DDB1: variants seen among roughly 807,000 people sequenced by gnomAD.
DDB1 encodes damage specific DNA binding protein 1.
A neutral mutation model predicts 133.1 loss-of-function variants in DDB1; 18 were observed. That is an observed-to-expected ratio of 0.14 (90% CI 0.09 to 0.20). The LOEUF (loss-of-function observed/expected upper bound fraction) is 0.20, where lower values mean the gene tolerates loss of function less well. Among genes scored for constraint, DDB1 ranks in the 10% least tolerant of loss-of-function variants. The probability of loss-of-function intolerance (pLI) is 1.00; values close to 1 mark genes in which losing one functional copy is unlikely to be tolerated. For missense variants in DDB1, 828 were observed against 1,459.2 expected (o/e 0.57, Z 7.05); for synonymous variants, 580 against 550.5 (o/e 1.05, Z -0.75).
intron 9 of DDB1, chr11:61,322,037 A>T (rs1035736707): frequency 5.5e-6 from 3 of 543,626 alleles, no homozygotes; most frequent in Non-Finnish European, 6.5e-6. Flanking sequence ...AATCTTTCTC[A>T]GCCCTAATTT....
chr11:61,308,410 C>T (rs1165951868), intron 21 of DDB1, among the ~76,000 whole-genome samples: 4 of 152,204 alleles, frequency 2.6e-5, no homozygotes, highest in African/African-American at 9.7e-5. Flanking sequence ...TGGCATTCCT[C>T]CAGTCCTGCA....
intron 10 of DDB1, among the ~76,000 whole-genome samples, chr11:61,319,277 T>A (rs1217840814): frequency 1.3e-5 from 2 of 152,174 alleles, no homozygotes; most frequent in African/African-American, 2.4e-5. Flanking sequence ...ACCACTATCA[T>A]ACACTGAATT....
chr11:61,310,478 A>G, intron 18 of DDB1, 60 bp from the exon 19 acceptor site: 2 of 1,523,010 alleles, frequency 1.3e-6, no homozygotes, highest in Non-Finnish European at 1.8e-6. Context: ...CTGAGACATC[A>G]TTGTGAAGGG....
At chr11:61,305,594 C>T (rs1855870879) in intron 21 of DDB1, among the ~76,000 whole-genome samples, 1 of 152,186 alleles carries the variant, frequency 6.6e-6, no homozygotes, top group South Asian at 2.1e-4. Flanking sequence ...TTCAGGTAAG[C>T]CCACCTTGCT....
intron 20 of DDB1, 130 bp from the exon 21 acceptor site, chr11:61,309,207 C>A: frequency 1.3e-6 from 1 of 779,298 alleles, no homozygotes; most frequent in Non-Finnish European, 2.2e-6. Context: ...ACAACACAGA[C>A]TCAGTATCTA....
At chr11:61,305,683 CT>C (rs1195208407) in intron 21 of DDB1, among the ~76,000 whole-genome samples, 1 of 151,896 alleles carries the variant, frequency 6.6e-6, no homozygotes, top group African/African-American at 2.4e-5. Context: ...CCTGCCACCA[CT>C]CTCTCTCCAC....
rs1233249834 is a variant in DDB1, at chr11:61,300,229, G to C, written c.3340-10C>G. 1 of 1,613,814 alleles carries C rather than the reference G, an allele frequency of 6.2e-7. No individual in the cohort carries two copies. The highest frequency in any genetic ancestry group is 1.7e-5 in the Admixed American group (1 of 59,998). On this transcript the variant is annotated splice_polypyrimidine_tract_variant and intron_variant, in intron 26 of 26. Transcript: ENST00000301764. ...CGCTGCCATCGTCATACTGCAATGA[G>C]AAGATGGGCGGGGCTGTGAGGACCA... is the stretch of plus-strand genomic sequence containing the variant.
intron 5 of DDB1, 67 bp from the exon 6 acceptor site, chr11:61,325,775 G>A (rs746330330): frequency 1.5e-6 from 2 of 1,314,984 alleles, no homozygotes; most frequent in Non-Finnish European, 2.2e-6. Flanking sequence ...ACTGGCAAAA[G>A]TACAGGTCTA....
rs1855822584 is a variant in DDB1, at chr11:61,302,814, G to GACC, written c.2943-66_2943-64dup. On this transcript the variant is annotated intron_variant, in intron 23 of 26. Coordinates refer to ENST00000301764, the MANE Select transcript of DDB1 (RefSeq NM_001923.5). The stretch of plus-strand genomic sequence containing the variant: ...GTTTCCACCACAGGCCCTGAGACAG[G>GACC]ACCACGTGCAGTGGTCACGGTGCTC... 4 of 1,601,414 alleles carry GACC rather than the reference G, an allele frequency of 2.5e-6. No individual in the cohort carries two copies. The East Asian group carries it at 6.7e-5, about 27-fold the overall frequency.
chr11:61,302,784 C>T (rs558242120), intron 23 of DDB1, 33 bp from the exon 24 acceptor site: 24 of 1,613,116 alleles, frequency 1.5e-5, no homozygotes, highest in African/African-American at 9.3e-5. Flanking sequence ...CTTTCTGAAC[C>T]TCCTGTTTCC....
At chr11:61,302,922 G>T in intron 23 of DDB1, 124 bp downstream of exon 23, 3 of 1,274,396 alleles carry the variant, frequency 2.4e-6, no homozygotes, top group Non-Finnish European at 3.3e-6. Context: ...ATTCTCTGAC[G>T]AGGAAAGTTC....
Position 61,328,610 on chromosome 11 carries a change from C to T in DDB1, c.549+753G>A, listed in dbSNP as rs181633890. On this transcript the variant is annotated intron_variant, in intron 4 of 26. Coordinates refer to ENST00000301764, the MANE Select transcript of DDB1 (RefSeq NM_001923.5). ...GCAAGTTGCCGAGCACGGTGGCTCA[C>T]GTCTGAAATCTCAGCACTTTGGGAG... 3.3e-5 allele frequency among the ~76,000 whole-genome samples: 5 copies of T among 152,264 alleles called. No homozygotes were observed. The East Asian group carries it at 7.7e-4, about 24-fold the overall frequency.
intron 26 of DDB1, 145 bp from the exon 27 acceptor site, chr11:61,300,364 C>G: frequency 1.3e-5 from 10 of 784,410 alleles, no homozygotes; most frequent in Non-Finnish European, 2.1e-5. Flanking sequence ...ACGCCTCCCC[C>G]TGGGTGGCAC....
rs183754714 is a variant in DDB1 at position 61,303,517 on chromosome 11, T to C, written c.2832+348A>G. On this transcript the variant is annotated intron_variant, in intron 22 of 26. Transcript: ENST00000301764. ...TCCTGGCTAACAAGGTGAAACCCCG[T>C]CTCTACTAAAAATACCAAAAATTAG... Among the ~76,000 whole-genome samples, 231 of 151,916 alleles carry C rather than the reference T, an allele frequency of 1.5e-3. 3 individuals carry two copies. Among genetic ancestry groups the C allele is most frequent in the African/African-American group, 4.9e-3 (203 of 41,428 alleles).
intron 8 of DDB1, 136 bp from the exon 9 acceptor site, chr11:61,322,548 C>T: frequency 1.4e-6 from 1 of 702,434 alleles, no homozygotes; most frequent in South Asian, 1.7e-5. Flanking sequence ...AGGGATGATT[C>T]CAGAAGGGGA....
chr11:61,311,348 A>AAACG (rs1855967878), intron 18 of DDB1: 1 of 163,418 alleles, frequency 6.1e-6, no homozygotes, highest in African/African-American at 2.4e-5. Context: ...CATAACAAAC[A>AAACG]TAACACATAA....
intron 16 of DDB1, among the ~76,000 whole-genome samples, 153 bp from the exon 17 acceptor site, chr11:61,312,237 T>C (rs2134908953): frequency 6.6e-6 from 1 of 152,314 alleles, no homozygotes; most frequent in Non-Finnish European, 1.5e-5. Flanking sequence ...TTCTGATTCC[T>C]GGTCCCATCC....
In DDB1 at chr11:61,312,016, C is replaced by T; in HGVS notation, c.2138G>A (p.Arg713His). ...TIDEIQKLHI[R>H]TVPLYESPRK... ...TGGAGACTCATAGAGGGGAACTGTGCGAATGTGCAGCTTCTGGATCTCATC... is the reference window on the plus strand; with the variant it reads ...TGGAGACTCATAGAGGGGAACTGTGTGAATGTGCAGCTTCTGGATCTCATC... The change falls in exon 17 of 27, where the codon CGC becomes CAC. Residue 713 changes from arginine (R) to histidine (H), a missense_variant. Around this residue, in one of 7 missense-constraint regions of DDB1, gnomAD observed 396 missense variants for 554.1 expected, o/e 0.71. Coordinates refer to ENST00000301764, the MANE Select transcript of DDB1 (RefSeq NM_001923.5). The T allele has an allele frequency of 6.2e-7, 1 of 1,614,224 alleles. No individual in the cohort carries two copies. The highest frequency in any genetic ancestry group is 8.5e-7 in the Non-Finnish European group (1 of 1,180,040).
At chr11:61,332,812 C>G (rs1565041558) in intron 1 of DDB1, 96 bp downstream of exon 1, 1 of 1,170,288 alleles carries the variant, frequency 8.5e-7, no homozygotes, top group Non-Finnish European at 1.1e-6. Flanking sequence ...GCCGGGCCCA[C>G]TCCTGCCCGG....
Sources: allele counts gnomAD v4.1 joint callset (sites outside exome capture counted in the v4.1 genomes callset), GRCh38; gene constraint gnomAD v4.1.1; regional missense constraint gnomAD v4.1.1; transcripts MANE v1.5; gene names NCBI Gene and HGNC (gene_info 2026-07-23, HGNC 2026-07-21).